ENTPD6: variants seen among roughly 807,000 people sequenced by gnomAD.
The protein encoded by ENTPD6 is ectonucleoside triphosphate diphosphohydrolase 6.
In ENTPD6, 46 loss-of-function variants were observed where a neutral mutation model predicts 61.5. That is an observed-to-expected ratio of 0.75 (90% CI 0.59 to 0.96). ENTPD6 has a LOEUF of 0.96. Among genes scored for constraint, ENTPD6 ranks in the 40% least tolerant of loss-of-function variants. The probability of loss-of-function intolerance (pLI) is 0.00; values close to 1 mark genes in which losing one functional copy is unlikely to be tolerated. For missense variants in ENTPD6, 612 were observed against 629.0 expected, an observed-to-expected ratio of 0.97 and a Z score of 0.29; for synonymous variants, 252 against 255.5, an observed-to-expected ratio of 0.99 and a Z score of 0.13.
At position 25,195,753 on chromosome 20, in the gene ENTPD6, G is replaced by T; in HGVS notation, c.-130G>T. ...AGGGAATCGTGGGGTCGTATCCCGCGGGTGGAGGCCGGGGTGGCGCCGGCC... is the reference window on the plus strand; with the variant it reads ...AGGGAATCGTGGGGTCGTATCCCGCTGGTGGAGGCCGGGGTGGCGCCGGCC... On this transcript the variant is annotated 5_prime_UTR_variant, in exon 1 of 15. Transcript: ENST00000376652. The T allele has an allele frequency of 1.2e-6, 1 of 869,204 alleles. No individual in the cohort carries two copies. The highest frequency in any genetic ancestry group is 1.5e-6 in the Non-Finnish European group (1 of 649,668). The allele number at this position is 869,204 out of a possible 1,614,324, so 53.8% of individuals were successfully genotyped here. A position where few individuals can be genotyped will look rare whatever the true frequency, so the allele number is the denominator to read the frequency against.
chr20:25,224,307 T>C, intron 13 of ENTPD6, 150 bp downstream of exon 13: 1 of 589,780 alleles, frequency 1.7e-6, no homozygotes, highest in Non-Finnish European at 2.8e-6. Context: ...AGGACCACCG[T>C]CCTTGTCCCA....
chr20:25,218,738 AC>A, intron 10 of ENTPD6, 124 bp downstream of exon 10: 1 of 972,972 alleles, frequency 1.0e-6, no homozygotes, highest in Non-Finnish European at 1.5e-6. Context: ...TGCCCCTCCC[AC>A]CCCACTGCTG....
rs1026071509 is a variant in ENTPD6 at position 25,228,056 on chromosome 20, G to C, written c.*2459G>C. On this transcript the variant is annotated 3_prime_UTR_variant, in exon 15 of 15. Coordinates refer to ENST00000376652, the MANE Select transcript of ENTPD6 (RefSeq NM_001247.5). ...TAATTGTAGATCTTTATTTATTAAGGAAATTATCCCATTATGATAGAACGT... is the reference window on the plus strand; with the variant it reads ...TAATTGTAGATCTTTATTTATTAAGCAAATTATCCCATTATGATAGAACGT... Among the ~76,000 whole-genome samples, 6 of 151,918 alleles carry C rather than the reference G, an allele frequency of 3.9e-5. No homozygotes were observed. The highest frequency in any genetic ancestry group is 1.4e-4 in the African/African-American group (6 of 41,428).
chr20:25,222,821 C>T lies in ENTPD6; in HGVS notation c.1046-17C>T, dbSNP rs1382455738. 1 of 1,613,026 alleles carries T rather than the reference C, an allele frequency of 6.2e-7. No individual in the cohort carries two copies. The highest frequency in any genetic ancestry group is 1.1e-5 in the South Asian group (1 of 91,018). On this transcript the variant is annotated splice_polypyrimidine_tract_variant and intron_variant, in intron 11 of 14. Coordinates refer to ENST00000376652, the MANE Select transcript of ENTPD6 (RefSeq NM_001247.5). The stretch of plus-strand genomic sequence containing the variant: ...TGCTCGGAGCCCACTGACCGCTAGC[C>T]TTGTGCTTGTCCCCAGCGGCAAGCC...
chr20:25,219,027 G>A (rs187483825), intron 10 of ENTPD6, among the ~76,000 whole-genome samples: 3 of 152,330 alleles, frequency 2.0e-5, no homozygotes, highest in Admixed American at 6.5e-5. Flanking sequence ...GACTACAGAT[G>A]TGTACCACCA....
chr20:25,223,039 G>T lies in ENTPD6; in HGVS notation c.1186+61G>T, dbSNP rs2092692214. 4.6e-6 allele frequency: 7 copies of T among 1,520,654 alleles called. No homozygotes were observed. In the East Asian group the frequency reaches 1.4e-4, roughly 30 times the overall value. The allele number at this position is 1,520,654 out of a possible 1,614,324, so 94.2% of individuals were successfully genotyped here. On this transcript the variant is annotated intron_variant, in intron 12 of 14. Coordinates refer to ENST00000376652, the MANE Select transcript of ENTPD6 (RefSeq NM_001247.5). ...GGGCGGCAGGGGGCGGGGGTGGAGG[G>T]CGTGTGCTCCCCGAGGCAGAGGGCT...
chr20:25,221,121 T>C, intron 10 of ENTPD6, 111 bp from the exon 11 acceptor site: 1 of 765,214 alleles, frequency 1.3e-6, no homozygotes, highest in African/African-American at 1.7e-5. Context: ...TGGAAGCCAC[T>C]CAGCTTCCCC....
chr20:25,222,565 G>C, intron 11 of ENTPD6: 1 of 389,538 alleles, frequency 2.6e-6, no homozygotes, highest in Non-Finnish European at 4.7e-6. Context: ...TCAGGCATCA[G>C]CAGCTTCCTC....
At chr20:25,206,218 C>T (rs1229199956) in intron 1 of ENTPD6, among the ~76,000 whole-genome samples, 2 of 152,202 alleles carry the variant, frequency 1.3e-5, no homozygotes, top group Non-Finnish European at 2.9e-5. Flanking sequence ...GCCCGGCATC[C>T]TCCTGATCCC....
chr20:25,224,282 G>A (rs140510721), intron 13 of ENTPD6, 125 bp downstream of exon 13: 86 of 755,522 alleles, frequency 1.1e-4, no homozygotes, highest in Middle Eastern at 1.1e-3. Context: ...CAGGGGCCTC[G>A]GCCCCAGCTG....
intron 1 of ENTPD6, among the ~76,000 whole-genome samples, chr20:25,198,904 C>T (rs2090777832): frequency 6.6e-6 from 1 of 152,232 alleles, no homozygotes; most frequent in South Asian, 2.1e-4. Flanking sequence ...TCAAACTCAG[C>T]ATGTCAAAAA....
intron 10 of ENTPD6, 54 bp downstream of exon 10, chr20:25,218,668 C>A: frequency 6.6e-7 from 1 of 1,514,510 alleles, no homozygotes; most frequent in Non-Finnish European, 8.9e-7. Context: ...CCTCCATTCT[C>A]AGTGGGAACG....
chr20:25,217,994 C>G (rs2092425565), intron 9 of ENTPD6, among the ~76,000 whole-genome samples: 1 of 145,864 alleles, frequency 6.9e-6, no homozygotes, highest in African/African-American at 2.7e-5. Flanking sequence ...CCTCCCACCT[C>G]CTCTGTCCTC....
At chr20:25,225,125 G>C (rs1444649324) in intron 13 of ENTPD6, 80 bp from the exon 14 acceptor site, 5 of 1,532,180 alleles carry the variant, frequency 3.3e-6, no homozygotes, top group South Asian at 1.2e-5. Context: ...CCTGTAGTGG[G>C]TGGAATTGGG....
intron 5 of ENTPD6, among the ~76,000 whole-genome samples, chr20:25,214,478 G>C (rs2092196371): frequency 6.6e-6 from 1 of 152,212 alleles, no homozygotes; most frequent in Admixed American, 6.5e-5. Context: ...GCTTCCCCCA[G>C]TCTATGCAGC....
intron 1 of ENTPD6, among the ~76,000 whole-genome samples, chr20:25,205,834 C>T (rs2091448458): frequency 6.6e-6 from 1 of 152,200 alleles, no homozygotes; most frequent in South Asian, 2.1e-4. Context: ...GGCGGGACCT[C>T]AGGAAGGAGG....
chr20:25,219,272 C>T (rs895694654), intron 10 of ENTPD6, among the ~76,000 whole-genome samples: 8 of 152,256 alleles, frequency 5.3e-5, no homozygotes, highest in African/African-American at 1.9e-4. Flanking sequence ...TCATCCCCTA[C>T]ATTGGGAGCT....
At position 25,217,460 on chromosome 20, in the gene ENTPD6, G is replaced by C. The variant is rs2092376331; in HGVS notation, c.799-42G>C. The C allele has an allele frequency of 2.5e-6, 4 of 1,584,948 alleles. No individual in the cohort carries two copies. In the East Asian group the frequency reaches 8.9e-5, roughly 35 times the overall value. On this transcript the variant is annotated intron_variant, in intron 8 of 14. Transcript: ENST00000376652. ...TCAGTGGGTGGAGGAGAATTTTCTAGAAAGACCAGCAGGAAACATAGTTAC... is the reference window on the plus strand; with the variant it reads ...TCAGTGGGTGGAGGAGAATTTTCTACAAAGACCAGCAGGAAACATAGTTAC...
chr20:25,217,242 A>G (rs1180107413), intron 8 of ENTPD6, among the ~76,000 whole-genome samples: 2 of 152,130 alleles, frequency 1.3e-5, no homozygotes, highest in African/African-American at 2.4e-5. Context: ...GGGTGGGCTC[A>G]TAGGTACTGA....
Sources: allele counts gnomAD v4.1 joint callset (sites outside exome capture counted in the v4.1 genomes callset), GRCh38; gene constraint gnomAD v4.1.1; transcripts MANE v1.5; gene names NCBI Gene and HGNC (gene_info 2026-07-23, HGNC 2026-07-21).